Variants in ZNF74 observed in about 807,000 individuals in gnomAD.
The protein encoded by ZNF74 is zinc finger protein 74.
ZNF74 carries 12 observed loss-of-function variants against 17.7 expected under a neutral mutation model. That is an observed-to-expected ratio of 0.68 (90% CI 0.43 to 1.10). The LOEUF (loss-of-function observed/expected upper bound fraction) is 1.10. Ranked by LOEUF, ZNF74 falls within the 50% of genes least tolerant of loss-of-function variation. The probability of loss-of-function intolerance (pLI) is 0.00; values close to 1 mark genes in which losing one functional copy is unlikely to be tolerated. For synonymous variants in ZNF74, 358 were observed against 362.1 expected (o/e 0.99, Z 0.13); for missense variants, 811 against 881.0 (o/e 0.92, Z 1.01).
chr22:20,406,104 G>A lies in ZNF74; in HGVS notation c.1071G>A (p.Glu357=). The A allele has an allele frequency of 6.2e-7, 1 of 1,613,458 alleles. No individual in the cohort carries two copies. The highest frequency in any genetic ancestry group is 8.5e-7 in the Non-Finnish European group (1 of 1,179,782). Residue 357 remains glutamate, a synonymous_variant, in exon 5 of 5, where the codon GAG becomes GAA. Transcript: ENST00000400451. The part of the protein sequence containing the change: ...LSMHLRVHTG[E]KPYRCGECGK... ...TGCACCTGCGGGTGCACACCGGCGA[G>A]AAGCCCTACCGGTGCGGCGAGTGCG...
chr22:20,400,755 C>T lies in ZNF74; in HGVS notation c.244C>T (p.Leu82=), dbSNP rs1192500199. ...MLENYQNLLA[L]GPPLHKPDVI... Reference sequence around the variant, plus strand: ...GGAGAACTACCAGAACCTTCTTGCCCTAGGTAAAATCCCCCCAGCCCCAGG... The same window carrying T: ...GGAGAACTACCAGAACCTTCTTGCCTTAGGTAAAATCCCCCCAGCCCCAGG... The change falls in exon 3 of 5, where the codon CTA becomes TTA. Residue 82 remains leucine (L), a synonymous_variant. Transcript: ENST00000400451. 6.2e-7 allele frequency: 1 copy of T among 1,613,986 alleles called. No homozygotes were observed. The highest frequency in any genetic ancestry group is 1.1e-5 in the South Asian group (1 of 91,070).
intron 4 of ZNF74, among the ~76,000 whole-genome samples, chr22:20,404,596 AG>A (rs1457827271): frequency 1.3e-5 from 2 of 152,190 alleles, no homozygotes; most frequent in Non-Finnish European, 2.9e-5. Flanking sequence ...CTGGGATTAC[AG>A]GTATGAGCCA....
chr22:20,395,138 T>G (rs960219116), intron 1 of ZNF74, 195 bp from the exon 2 acceptor site: 1 of 526,028 alleles, frequency 1.9e-6, no homozygotes, highest in African/African-American at 1.9e-5. Flanking sequence ...CGTCATGAAT[T>G]GGAGTGTCTG....
In ZNF74 at chr22:20,407,021, G is replaced by T. The variant is rs2052440496; in HGVS notation, c.*53G>T. 2 of 1,537,674 alleles carry T rather than the reference G, an allele frequency of 1.3e-6. No individual in the cohort carries two copies. Among genetic ancestry groups the T allele is most frequent in the Non-Finnish European group, 1.8e-6 (2 of 1,142,556 alleles). On this transcript the variant is annotated 3_prime_UTR_variant, in exon 5 of 5. Coordinates refer to ENST00000400451, the MANE Select transcript of ZNF74 (RefSeq NM_003426.4). ...CTTTCTGAGCTACTCAACAAGGAAA[G>T]CACCCTGGTCCTCCCTGGCTCCTAG...
At chr22:20,396,879 C>T (rs778884751) in intron 2 of ZNF74, among the ~76,000 whole-genome samples, 2 of 152,082 alleles carry the variant, frequency 1.3e-5, no homozygotes, top group Non-Finnish European at 1.5e-5. Context: ...ATTCCTTTCC[C>T]TGCAGAATGA....
At position 20,405,751 on chromosome 22, in the gene ZNF74, G is replaced by T. The variant is rs1347352036; in HGVS notation, c.718G>T (p.Gly240Trp). The change falls in exon 5 of 5, where the codon GGG (glycine) becomes TGG (tryptophan). Residue 240 changes from glycine (G) to tryptophan (W), a missense_variant. Transcript: ENST00000400451. The stretch of plus-strand genomic sequence containing the variant: ...GTTCCCCCAGGTGCGCCGGCAGCGC[G>T]GGGCGGGCGCCGGGGAGGGCGAGTT... ...EKFPQVRRQR[G>W]AGAGEGEFVC... The T allele has an allele frequency of 1.9e-6, 3 of 1,605,256 alleles. No homozygotes were observed. The highest frequency in any genetic ancestry group is 2.5e-6 in the Non-Finnish European group (3 of 1,176,476).
In ZNF74 at chr22:20,401,306, T is replaced by C; in HGVS notation, c.277T>C (p.Ser93Pro). The C allele has an allele frequency of 6.2e-7, 1 of 1,612,048 alleles. No homozygotes were observed. The highest frequency in any genetic ancestry group is 8.5e-7 in the Non-Finnish European group (1 of 1,179,176). The change falls in exon 4 of 5, where the codon TCT (serine) becomes CCT (proline). Residue 93 changes from serine to proline, a missense_variant. Ser to Pro is a moderately conservative substitution (Grantham distance 74). Around this residue, in one of 3 missense-constraint regions of ZNF74, gnomAD observed 666 missense variants for 702.3 expected, o/e 0.95. Transcript: ENST00000400451. This position sits in a 1 kb window ranked among gnomAD's most constrained non-coding sequence, Gnocchi z 4.2. ...TCCACTGCACAAGCCAGATGTGATC[T>C]CTCATCTGGAACGAGGCGAGGAGCC... ...GPPLHKPDVI[S>P]HLERGEEPWS... is the part of the protein sequence containing the mutation.
Position 20,394,188 on chromosome 22 carries a change from C to A in ZNF74, c.-441C>A, listed in dbSNP as rs2052262530. ...TGCTGCTCTTTGTGGCAGTCGCAGT[C>A]CTTTTGTGGGAGTCCGGTCTGTCCA... On this transcript the variant is annotated 5_prime_UTR_variant, in exon 1 of 5. Transcript: ENST00000400451. 1.5e-6 allele frequency: 1 copy of A among 652,400 alleles called. No homozygotes were observed. Among genetic ancestry groups the A allele is most frequent in the South Asian group, 1.6e-5 (1 of 63,060 alleles). 40.4% of individuals were successfully genotyped at this position (652,400 alleles called of 1,614,324 possible).
Position 20,405,396 on chromosome 22 carries a change from G to A in ZNF74, c.363G>A (p.Val121=). 6.2e-7 allele frequency: 1 copy of A among 1,608,412 alleles called. No individual in the cohort carries two copies. The highest frequency in any genetic ancestry group is 8.5e-7 in the Non-Finnish European group (1 of 1,178,760). ...GPCPEWELKA[V]PSQQQGICKE... ...TTACAGAATGGGAGCTGAAGGCGGT[G>A]CCCTCTCAACAGCAGGGCATTTGCA... The change falls in exon 5 of 5, where the codon GTG becomes GTA. Residue 121 remains valine (V), a synonymous_variant. Coordinates refer to ENST00000400451, the MANE Select transcript of ZNF74 (RefSeq NM_003426.4).
chr22:20,406,931 G>C lies in ZNF74; in HGVS notation c.1898G>C (p.Gly633Ala), dbSNP rs762834276. 1 of 1,613,504 alleles carries C rather than the reference G, an allele frequency of 6.2e-7. No homozygotes were observed. The highest frequency in any genetic ancestry group is 1.7e-5 in the Admixed American group (1 of 59,980). Residue 633 changes from glycine to alanine, a missense_variant, in exon 5 of 5, where the codon GGC becomes GCC. Gly to Ala is a moderately conservative substitution (Grantham distance 60). This residue lies in a region of ZNF74 where 115 missense variants were observed against 119.5 expected (regional missense o/e 0.96). Coordinates refer to ENST00000400451, the MANE Select transcript of ZNF74 (RefSeq NM_003426.4). ...KLLCVVPPRA[G>A]RNFSLGSKPR... ...TTGTGCGTGGTTCCCCCCAGAGCTGGCAGGAATTTCTCCCTGGGGAGCAAA... is the reference window on the plus strand; with the variant it reads ...TTGTGCGTGGTTCCCCCCAGAGCTGCCAGGAATTTCTCCCTGGGGAGCAAA...
chr22:20,394,159 C>A lies in ZNF74; in HGVS notation c.-470C>A. On this transcript the variant is annotated 5_prime_UTR_variant, in exon 1 of 5. Coordinates refer to ENST00000400451, the MANE Select transcript of ZNF74 (RefSeq NM_003426.4). ...CGCAGGCGCGCTTTCCCGCAGCGGC[C>A]GCCTGCTGCTCTTTGTGGCAGTCGC... 3.3e-6 allele frequency: 2 copies of A among 600,356 alleles called. No individual in the cohort carries two copies. Among genetic ancestry groups the A allele is most frequent in the Non-Finnish European group, 6.0e-6 (2 of 334,082 alleles). 37.2% of individuals were successfully genotyped at this position (600,356 alleles called of 1,614,324 possible).
chr22:20,396,358 A>G (rs903240221), intron 2 of ZNF74, among the ~76,000 whole-genome samples: 6 of 152,126 alleles, frequency 3.9e-5, no homozygotes, highest in Non-Finnish European at 8.8e-5. Context: ...TGCTTAGGGG[A>G]TAGATCCAAA....
At position 20,401,794 on chromosome 22, in the gene ZNF74, GTCAGGGCCAGCGTGAGCATCAGCA is replaced by G. The variant is rs1360730066; in HGVS notation, c.343+433_343+456del. 6.6e-6 allele frequency among the ~76,000 whole-genome samples: 1 copy of G among 151,926 alleles called. No individual in the cohort carries two copies. The highest frequency in any genetic ancestry group is 2.1e-4 in the South Asian group (1 of 4,806). ...CGTCAGGGTCAGAGCCAGCATCAGT[GTCAGGGCCAGCGTGAGCATCAGCA>G]TCAGGGCCAGTGTGAGCATCAGTGT... is the stretch of plus-strand genomic sequence containing the variant. On this transcript the variant is annotated intron_variant, in intron 4 of 4. Coordinates refer to ENST00000400451, the MANE Select transcript of ZNF74 (RefSeq NM_003426.4). This position sits in a 1 kb window ranked among gnomAD's most constrained non-coding sequence, Gnocchi z 4.2.
At position 20,406,138 on chromosome 22, in the gene ZNF74, T is replaced by C; in HGVS notation, c.1105T>C (p.Phe369Leu). Reference protein sequence around the residue: ...PYRCGECGKAFNQRTHLTRHH... With the variant: ...PYRCGECGKALNQRTHLTRHH... The stretch of plus-strand genomic sequence containing the variant: ...CCGGTGCGGCGAGTGCGGCAAGGCC[T>C]TCAACCAGCGTACACACCTCACACG... The change falls in exon 5 of 5, where the codon TTC becomes CTC. Residue 369 changes from phenylalanine (F) to leucine (L), a missense_variant. Transcript: ENST00000400451. The C allele has an allele frequency of 6.2e-7, 1 of 1,613,610 alleles. No individual in the cohort carries two copies.
At chr22:20,394,953 G>A in intron 1 of ZNF74, 1 of 475,102 alleles carries the variant, frequency 2.1e-6, no homozygotes, top group Non-Finnish European at 3.8e-6. Context: ...TAGAGACGGG[G>A]TTTTGCCATG....
chr22:20,406,254 G>A lies in ZNF74; in HGVS notation c.1221G>A (p.Glu407=), dbSNP rs766249923. The change falls in exon 5 of 5, where the codon GAG becomes GAA. Residue 407 remains glutamate, a synonymous_variant. Transcript: ENST00000400451. ...GCCACTCATCCCTCACCGTGCATGAGAAGATCCACAGCGGGGACAAGCCGT... is the reference window on the plus strand; with the variant it reads ...GCCACTCATCCCTCACCGTGCATGAAAAGATCCACAGCGGGGACAAGCCGT... The part of the protein sequence containing the change: ...FTCHSSLTVH[E]KIHSGDKPFK... The A allele has an allele frequency of 4.3e-6, 7 of 1,611,986 alleles. No homozygotes were observed. Among genetic ancestry groups the A allele is most frequent in the South Asian group, 2.2e-5 (2 of 91,084 alleles).
At position 20,394,460 on chromosome 22, in the gene ZNF74, G is replaced by T. The variant is rs2052268182; in HGVS notation, c.-169G>T. On this transcript the variant is annotated 5_prime_UTR_variant, in exon 1 of 5. Transcript: ENST00000400451. ...TGAACCCCACCTCAGCCGGGCGCGGGGAGGGGGCTCCGTGCGTGTGATCGT... is the reference window on the plus strand; with the variant it reads ...TGAACCCCACCTCAGCCGGGCGCGGTGAGGGGGCTCCGTGCGTGTGATCGT... 3.0e-6 allele frequency: 2 copies of T among 667,582 alleles called. No individual in the cohort carries two copies. The highest frequency in any genetic ancestry group is 5.2e-6 in the Non-Finnish European group (2 of 382,802). 41.4% of individuals were successfully genotyped at this position (667,582 alleles called of 1,614,324 possible).
chr22:20,400,524 G>T, intron 2 of ZNF74, 108 bp from the exon 3 acceptor site: 1 of 1,393,694 alleles, frequency 7.2e-7, no homozygotes, highest in Non-Finnish European at 1.0e-6. Context: ...ATGGGAGAAG[G>T]TCACCTGAGG....
intron 1 of ZNF74, 30 bp downstream of exon 1, chr22:20,394,692 CTG>C (rs1399634986): frequency 6.2e-7 from 1 of 1,612,442 alleles, no homozygotes; most frequent in African/African-American, 1.3e-5. Context: ...GTCAGTATGT[CTG>C]TGGATTTGCA....
Sources: gnomAD v4.1 joint callset for allele counts (sites outside exome capture counted in the v4.1 genomes callset) on GRCh38, gnomAD v4.1.1 for gene constraint, gnomAD v4.1.1 regional missense constraint, Gnocchi (gnomAD v3.1) non-coding constraint, MANE v1.5 for transcripts, NCBI Gene and HGNC (gene_info 2026-07-23, HGNC 2026-07-21) for gene names.